The following GLRX3 variants were observed in gnomAD, a reference collection of about 807,000 sequenced individuals.
GLRX3 encodes the protein glutaredoxin-3.
A neutral mutation model predicts 49.5 loss-of-function variants in GLRX3; 22 were observed. The observed-to-expected ratio is 0.44, with a 90% confidence interval of 0.32 to 0.63. The LOEUF (loss-of-function observed/expected upper bound fraction) is 0.63. Ranked by LOEUF, GLRX3 falls within the 30% of genes least tolerant of loss-of-function variation. The probability of loss-of-function intolerance (pLI) is 0.05; values close to 1 mark genes in which losing one functional copy is unlikely to be tolerated. For synonymous variants in GLRX3, 133 were observed against 140.0 expected (o/e 0.95, Z 0.35); for missense variants, 385 against 396.3 (o/e 0.97, Z 0.24).
intron 2 of GLRX3, among the ~76,000 whole-genome samples, chr10:130,150,082 C>CA (rs896419089): frequency 8.0e-5 from 12 of 150,626 alleles, no homozygotes; most frequent in Admixed American, 3.3e-4. Context: ...ACTAAAAATA[C>CA]AAAAAAAATC....
intron 4 of GLRX3, among the ~76,000 whole-genome samples, chr10:130,164,957 C>T (rs1196209074): frequency 6.6e-6 from 1 of 152,196 alleles, no homozygotes; most frequent in Non-Finnish European, 1.5e-5. Flanking sequence ...CTTAACACTT[C>T]AGATGTAGGA....
At chr10:130,160,672 A>G (rs191062986) in intron 3 of GLRX3, 124 bp from the exon 4 acceptor site, 47 of 636,762 alleles carry the variant, frequency 7.4e-5, no homozygotes, top group African/African-American at 2.8e-4. Flanking sequence ...AGTGCAGGCA[A>G]TTGGCAATGA....
chr10:130,150,622 G>A (rs1429212282), intron 2 of GLRX3, among the ~76,000 whole-genome samples: 2 of 152,242 alleles, frequency 1.3e-5, no homozygotes, highest in Admixed American at 6.5e-5. Flanking sequence ...TTGAAAGTGC[G>A]ACTATCTTAA....
intron 10 of GLRX3, among the ~76,000 whole-genome samples, chr10:130,176,760 C>T (rs1862928999): frequency 1.6e-5 from 1 of 64,108 alleles, no homozygotes; most frequent in Non-Finnish European, 3.1e-5. Context: ...TTCCCTCCCT[C>T]CCTCCCTCCC....
At chr10:130,169,656 A>G (rs1022546940) in intron 7 of GLRX3, among the ~76,000 whole-genome samples, 166 bp downstream of exon 7, 3 of 152,244 alleles carry the variant, frequency 2.0e-5, no homozygotes, top group African/African-American at 7.2e-5. Context: ...AAAGTAATCT[A>G]CATTTTGCTT....
At chr10:130,168,137 G>A (rs1206309171) in intron 6 of GLRX3, among the ~76,000 whole-genome samples, 1 of 152,162 alleles carries the variant, frequency 6.6e-6, no homozygotes, top group Non-Finnish European at 1.5e-5. Flanking sequence ...AAAGGGTAAC[G>A]GGCTAGAATT....
intron 5 of GLRX3, 52 bp from the exon 6 acceptor site, chr10:130,166,867 A>G: frequency 8.5e-7 from 1 of 1,181,732 alleles, no homozygotes; most frequent in Non-Finnish European, 1.2e-6. Context: ...GATCAAGGAG[A>G]TTTATGTTAT....
At chr10:130,137,044 G>A (rs1275258176) in intron 1 of GLRX3, among the ~76,000 whole-genome samples, 4 of 152,260 alleles carry the variant, frequency 2.6e-5, no homozygotes, top group African/African-American at 9.6e-5. Context: ...CAGGAAGAGC[G>A]GCGAGGGAAG....
At chr10:130,170,334 A>G (rs1042773347) in intron 7 of GLRX3, among the ~76,000 whole-genome samples, 4 of 152,182 alleles carry the variant, frequency 2.6e-5, no homozygotes, top group African/African-American at 7.2e-5. Flanking sequence ...ATGGAGAACC[A>G]CTTTGCTCAT....
At chr10:130,162,387 T>C (rs1436659846) in intron 4 of GLRX3, among the ~76,000 whole-genome samples, 1 of 152,248 alleles carries the variant, frequency 6.6e-6, no homozygotes, top group African/African-American at 2.4e-5. Flanking sequence ...TAGTCTGTAC[T>C]AAACTAAAGG....
At chr10:130,167,116 C>T (rs1408861977) in intron 6 of GLRX3, 136 bp downstream of exon 6, 1 of 512,060 alleles carries the variant, frequency 2.0e-6, no homozygotes, top group Non-Finnish European at 3.4e-6. Flanking sequence ...TGTTTAGTCA[C>T]ATTAGCCATT....
chr10:130,176,168 G>A (rs1189251515), intron 10 of GLRX3, among the ~76,000 whole-genome samples: 1 of 147,926 alleles, frequency 6.8e-6, no homozygotes, highest in African/African-American at 2.5e-5. Context: ...GTTCCCCACT[G>A]GAGTGCAATG....
intron 1 of GLRX3, among the ~76,000 whole-genome samples, chr10:130,142,156 C>T (rs1862187789): frequency 6.6e-6 from 1 of 152,106 alleles, no homozygotes; most frequent in Admixed American, 6.5e-5. Context: ...TTAGGTGGGT[C>T]TTCATTTGGA....
intron 1 of GLRX3, among the ~76,000 whole-genome samples, chr10:130,142,682 T>G (rs1328397647): frequency 6.6e-6 from 1 of 152,244 alleles, no homozygotes; most frequent in Non-Finnish European, 1.5e-5. Context: ...GTGCTTCTGC[T>G]ATTCCATTGA....
At position 130,148,145 on chromosome 10, in the gene GLRX3, C is replaced by CT. The variant is rs200961945; in HGVS notation, c.201+2834dup. Among the ~76,000 whole-genome samples, 15 of 151,772 alleles carry CT rather than the reference C, an allele frequency of 9.9e-5. 1 individual carries two copies. Among genetic ancestry groups the CT allele is most frequent in the African/African-American group, 1.7e-4 (7 of 41,416 alleles). ...TCTTGTGTCTATTTGATTTCTTAGT[C>CT]TTTTTTTTGGAGACAAGGTCTCACT... On this transcript the variant is annotated intron_variant, in intron 2 of 10. Coordinates refer to ENST00000331244, the MANE Select transcript of GLRX3 (RefSeq NM_006541.5).
chr10:130,147,675 A>C (rs1862294572), intron 2 of GLRX3, among the ~76,000 whole-genome samples: 1 of 152,230 alleles, frequency 6.6e-6, no homozygotes, highest in South Asian at 2.1e-4. Context: ...AAGGCAGCTA[A>C]TTAAAAGGCA....
chr10:130,149,533 T>C (rs1862332574), intron 2 of GLRX3, among the ~76,000 whole-genome samples: 1 of 152,198 alleles, frequency 6.6e-6, no homozygotes, highest in South Asian at 2.1e-4. Flanking sequence ...GTGCCTTTTA[T>C]TTTCAAATTA....
intron 1 of GLRX3, among the ~76,000 whole-genome samples, chr10:130,145,000 C>A (rs888629073): frequency 2.0e-4 from 31 of 152,204 alleles, no homozygotes; most frequent in African/African-American, 7.2e-4. Context: ...CTTGAAATAT[C>A]ATTGAATTGA....
intron 2 of GLRX3, among the ~76,000 whole-genome samples, chr10:130,148,932 C>T (rs1862319552): frequency 6.6e-6 from 1 of 152,028 alleles, no homozygotes; most frequent in South Asian, 2.1e-4. Flanking sequence ...GCTGTGTACA[C>T]CTGTTGCCCC....
Sources: allele counts gnomAD v4.1 joint callset (sites outside exome capture counted in the v4.1 genomes callset), GRCh38; gene constraint gnomAD v4.1.1; transcripts MANE v1.5; gene names NCBI Gene and HGNC (gene_info 2026-07-23, HGNC 2026-07-21).